Variants in EYA4 observed in about 807,000 individuals in gnomAD.
EYA4 encodes the protein EYA transcriptional coactivator and phosphatase 4.
A neutral mutation model predicts 87.9 loss-of-function variants in EYA4; 31 were observed. That is an observed-to-expected ratio of 0.35 (90% CI 0.27 to 0.48). The LOEUF (loss-of-function observed/expected upper bound fraction) is 0.48. Ranked by LOEUF, EYA4 falls within the 20% of genes least tolerant of loss-of-function variation. EYA4 has a pLI of 0.99. For synonymous variants in EYA4, 263 were observed against 270.6 expected, an observed-to-expected ratio of 0.97 and a Z score of 0.28; for missense variants, 678 against 761.4, an observed-to-expected ratio of 0.89 and a Z score of 1.29.
chr6:133,278,730 C>G (rs1404017756), intron 2 of EYA4, among the ~76,000 whole-genome samples: 1 of 152,088 alleles, frequency 6.6e-6, no homozygotes, highest in African/African-American at 2.4e-5. Context: ...TATCTGGCTC[C>G]TATTTGGCAT....
chr6:133,273,895 TTGTGTGTG>T (rs143246060), intron 1 of EYA4, among the ~76,000 whole-genome samples: 1 of 151,736 alleles, frequency 6.6e-6, no homozygotes, highest in African/African-American at 2.4e-5. Flanking sequence ...TTAATTTTCA[TTGTGTGTG>T]TGTGGGTGTG....
intron 3 of EYA4, among the ~76,000 whole-genome samples, chr6:133,433,812 A>G (rs1319057215): frequency 6.6e-6 from 1 of 152,236 alleles, no homozygotes; most frequent in Non-Finnish European, 1.5e-5. Context: ...TAGGAGAAAC[A>G]CATGAAAAGC....
intron 2 of EYA4, among the ~76,000 whole-genome samples, chr6:133,369,649 A>G (rs1785117434): frequency 6.6e-6 from 1 of 152,206 alleles, no homozygotes; most frequent in Admixed American, 6.5e-5. Context: ...CAAAAATGTA[A>G]AATGTTGGTA....
chr6:133,505,513 ACT>A (rs1798518524), intron 13 of EYA4, among the ~76,000 whole-genome samples: 1 of 151,946 alleles, frequency 6.6e-6, no homozygotes, highest in Non-Finnish European at 1.5e-5. Context: ...GTTAGACCAA[ACT>A]CTACACATGT....
chr6:133,468,518 A>G, intron 10 of EYA4, 48 bp from the exon 11 acceptor site: 1 of 1,443,926 alleles, frequency 6.9e-7, no homozygotes. Flanking sequence ...GGAGAGTATT[A>G]AAGAGTAATT....
chr6:133,425,834 G>GCTTCTACCTCTCCATTTGCTC (rs1790623094), intron 3 of EYA4, among the ~76,000 whole-genome samples: 2 of 150,558 alleles, frequency 1.3e-5, no homozygotes, highest in South Asian at 4.2e-4. Context: ...CTGCTTTGTT[G>GCTTCTACCTCTCCATTTGCTC]CTTCTACCTC....
chr6:133,422,193 G>A (rs1482942441), intron 3 of EYA4, among the ~76,000 whole-genome samples: 1 of 152,144 alleles, frequency 6.6e-6, no homozygotes, highest in East Asian at 1.9e-4. Flanking sequence ...ACTCTGATGA[G>A]GGTCTCTATA....
chr6:133,292,750 A>C (rs1046572664), intron 2 of EYA4, among the ~76,000 whole-genome samples: 4 of 152,228 alleles, frequency 2.6e-5, no homozygotes, highest in African/African-American at 9.6e-5. Context: ...TCAGATGTCT[A>C]GATGCATATT....
intron 3 of EYA4, among the ~76,000 whole-genome samples, chr6:133,421,078 TTG>T (rs1790178884): frequency 6.6e-6 from 1 of 152,196 alleles, no homozygotes; most frequent in Admixed American, 6.5e-5. Context: ...TTCCCTCCAT[TTG>T]GCTTCCTCTT....
At chr6:133,352,023 T>C (rs1470173120) in intron 2 of EYA4, among the ~76,000 whole-genome samples, 1 of 152,038 alleles carries the variant, frequency 6.6e-6, no homozygotes, top group Non-Finnish European at 1.5e-5. Flanking sequence ...ATTTATTGAA[T>C]CTCTTCTTTA....
intron 2 of EYA4, among the ~76,000 whole-genome samples, chr6:133,297,243 G>A (rs1391916711): frequency 6.6e-6 from 1 of 151,942 alleles, no homozygotes; most frequent in Non-Finnish European, 1.5e-5. Flanking sequence ...GAATCCCTGG[G>A]GTCTGAATTC....
chr6:133,349,445 T>G (rs769356627), intron 2 of EYA4, among the ~76,000 whole-genome samples: 2 of 152,228 alleles, frequency 1.3e-5, no homozygotes, highest in African/African-American at 2.4e-5. Context: ...TGACACATAT[T>G]ATGCACTTAA....
intron 1 of EYA4, among the ~76,000 whole-genome samples, chr6:133,274,228 A>G (rs1776980955): frequency 6.6e-6 from 1 of 152,156 alleles, no homozygotes; most frequent in Non-Finnish European, 1.5e-5. Context: ...TGTATTTTAT[A>G]TTTTTAAAAA....
intron 2 of EYA4, among the ~76,000 whole-genome samples, chr6:133,321,791 G>A (rs1781109926): frequency 6.6e-6 from 1 of 152,108 alleles, no homozygotes; most frequent in African/African-American, 2.4e-5. Flanking sequence ...GTATGAGATG[G>A]GAAAATGAGC....
At position 133,529,872 on chromosome 6, in the gene EYA4, A is replaced by C. The variant is rs1800908701; in HGVS notation, c.*1067A>C. ...CAACTTGCACAGTTTTGAGGTTGAGACTTTTGATATGTGTAAGTTGCATAG... is the reference window on the plus strand; with the variant it reads ...CAACTTGCACAGTTTTGAGGTTGAGCCTTTTGATATGTGTAAGTTGCATAG... On this transcript the variant is annotated 3_prime_UTR_variant, in exon 20 of 20. Coordinates refer to ENST00000355286, the MANE Select transcript of EYA4 (RefSeq NM_004100.5). 3 of 985,400 alleles carry C rather than the reference A, an allele frequency of 3.0e-6. No homozygotes were observed. The African/African-American group carries it at 5.2e-5, about 17-fold the overall frequency. The allele number at this position is 985,400 out of a possible 1,614,324, so 61.0% of individuals were successfully genotyped here.
chr6:133,429,152 C>G (rs996018333), intron 3 of EYA4, among the ~76,000 whole-genome samples: 1 of 151,758 alleles, frequency 6.6e-6, no homozygotes, highest in Non-Finnish European at 1.5e-5. Flanking sequence ...GTCTCTAACT[C>G]CTGACCTCAT....
At chr6:133,361,067 A>G (rs1463838998) in intron 2 of EYA4, among the ~76,000 whole-genome samples, 1 of 152,192 alleles carries the variant, frequency 6.6e-6, no homozygotes, top group African/African-American at 2.4e-5. Flanking sequence ...TCCAGAGTTC[A>G]TCCAGACTAG....
chr6:133,273,908 G>GGT (rs1277652800), intron 1 of EYA4, among the ~76,000 whole-genome samples: 3 of 151,036 alleles, frequency 2.0e-5, no homozygotes, highest in African/African-American at 7.3e-5. Context: ...TGTGTGTGTG[G>GGT]GTGTGTGTGT....
At chr6:133,325,900 C>T (rs543386571) in intron 2 of EYA4, among the ~76,000 whole-genome samples, 1 of 152,342 alleles carries the variant, frequency 6.6e-6, no homozygotes, top group South Asian at 2.1e-4. Context: ...TTGCCAGCCA[C>T]TCCTTGCCAC....
Sources: gnomAD v4.1 joint callset for allele counts (sites outside exome capture counted in the v4.1 genomes callset) on GRCh38, gnomAD v4.1.1 for gene constraint, MANE v1.5 for transcripts, NCBI Gene and HGNC (gene_info 2026-07-23, HGNC 2026-07-21) for gene names.